The following BCL11A variants were observed in gnomAD, a reference collection of about 807,000 sequenced individuals.
The protein encoded by BCL11A is BCL11 transcription factor A.
In BCL11A, 2 loss-of-function variants were observed where a neutral mutation model predicts 55.9. The ratio of observed to expected loss-of-function variants is 0.04; its 90% CI spans 0.01 to 0.11. BCL11A has a LOEUF of 0.11. Ranked by LOEUF, BCL11A falls within the 10% of genes least tolerant of loss-of-function variation. BCL11A has a pLI of 1.00. For missense variants in BCL11A, 817 were observed against 1,137.1 expected (o/e 0.72, Z 4.05); for synonymous variants, 465 against 473.4 (o/e 0.98, Z 0.23).
chr2:60,498,349 G>A (rs953784498), intron 2 of BCL11A, among the ~76,000 whole-genome samples: 14 of 151,924 alleles, frequency 9.2e-5, no homozygotes, highest in Admixed American at 2.6e-4. Flanking sequence ...AGTGTGTGCC[G>A]ACAACTCCCT....
intron 2 of BCL11A, among the ~76,000 whole-genome samples, chr2:60,486,781 G>A (rs1447494336): frequency 6.6e-6 from 1 of 152,160 alleles, no homozygotes; most frequent in Admixed American, 6.5e-5. Flanking sequence ...CCCACAGTCT[G>A]AGAATGACCA....
intron 2 of BCL11A, among the ~76,000 whole-genome samples, chr2:60,502,042 G>A (rs1411547073): frequency 6.6e-6 from 1 of 152,162 alleles, no homozygotes; most frequent in Non-Finnish European, 1.5e-5. Flanking sequence ...CTTCAGGGAG[G>A]AAAGGCCAGA....
chr2:60,504,277 T>C (rs1042925546), intron 2 of BCL11A, among the ~76,000 whole-genome samples: 1 of 152,234 alleles, frequency 6.6e-6, no homozygotes, highest in Admixed American at 6.5e-5. Flanking sequence ...GGATCAATGA[T>C]GAAGATGCAG....
At chr2:60,502,541 C>T (rs889108838) in intron 2 of BCL11A, among the ~76,000 whole-genome samples, 1 of 152,182 alleles carries the variant, frequency 6.6e-6, no homozygotes, top group African/African-American at 2.4e-5. Context: ...AAGAAAGAGC[C>T]AGCTTCCTTC....
rs1039776353 is a variant in BCL11A, at chr2:60,478,486, T to C, written c.386-9653A>G. Among the ~76,000 whole-genome samples the C allele has an allele frequency of 4.6e-5, 7 of 152,220 alleles. No individual in the cohort carries two copies. The South Asian group carries it at 8.3e-4, about 18-fold the overall frequency. The stretch of plus-strand genomic sequence containing the variant: ...ACTATTGAGTGACTGGTGTGTGGAC[T>C]TCAGGGGAAGCGTGGAAGGCACTTC... On this transcript the variant is annotated intron_variant, in intron 2 of 3. Transcript: ENST00000642384.
chr2:60,506,251 G>T (rs1679586164), intron 2 of BCL11A, among the ~76,000 whole-genome samples: 1 of 152,234 alleles, frequency 6.6e-6, no homozygotes, highest in Non-Finnish European at 1.5e-5. Flanking sequence ...AGCAGCTAGG[G>T]CTCTGGCCTC....
At chr2:60,523,287 T>C (rs1669071730) in intron 2 of BCL11A, among the ~76,000 whole-genome samples, 1 of 152,194 alleles carries the variant, frequency 6.6e-6, no homozygotes, top group Admixed American at 6.5e-5. Flanking sequence ...CATCCAGGAT[T>C]CCTGCTTGGG....
rs561988530 is a variant in BCL11A at position 60,475,011 on chromosome 2, G to A, written c.386-6178C>T. 2.8e-4 allele frequency among the ~76,000 whole-genome samples: 43 copies of A among 152,318 alleles called. No individual in the cohort carries two copies. In the South Asian group the frequency reaches 8.1e-3, roughly 29 times the overall value. On this transcript the variant is annotated intron_variant, in intron 2 of 3. Coordinates refer to ENST00000642384, the MANE Select transcript of BCL11A (RefSeq NM_022893.4). Reference sequence around the variant, plus strand: ...AGGGAGGGAGAGAGGCTTTGGGAAAGAGGAAAACTTATGAGTTAAACCTGG... The same window carrying A: ...AGGGAGGGAGAGAGGCTTTGGGAAAAAGGAAAACTTATGAGTTAAACCTGG...
rs1045489278 is a variant in BCL11A at position 60,461,472 on chromosome 2, C to T, written c.1440G>A (p.Pro480=). The T allele has an allele frequency of 4.4e-6, 7 of 1,604,498 alleles. No homozygotes were observed. The Admixed American group carries it at 5.0e-5, about 11-fold the overall frequency. ...CCTCTTCCTCCTCGTCCCCGTTCTCCGGGATCAGGTTGGGGTCGTTCTCGC... is the reference window on the plus strand; with the variant it reads ...CCTCTTCCTCCTCGTCCCCGTTCTCTGGGATCAGGTTGGGGTCGTTCTCGC... The part of the protein sequence containing the change: ...FKSENDPNLI[P]ENGDEEEEED... Residue 480 remains proline, a synonymous_variant, in exon 4 of 4, where the codon CCG becomes CCA. Transcript: ENST00000642384.
At chr2:60,518,927 C>A (rs1229565569) in intron 2 of BCL11A, among the ~76,000 whole-genome samples, 3 of 152,168 alleles carry the variant, frequency 2.0e-5, no homozygotes, top group Admixed American at 6.5e-5. Context: ...TTCTGTCATT[C>A]AAGGTGGGTC....
chr2:60,552,026 G>A (rs1670433579), intron 1 of BCL11A, among the ~76,000 whole-genome samples: 2 of 152,206 alleles, frequency 1.3e-5, no homozygotes, highest in African/African-American at 4.8e-5. Flanking sequence ...AGAGGAGGGA[G>A]TTCCTCTCTC....
chr2:60,532,612 G>T (rs2556375), intron 2 of BCL11A, among the ~76,000 whole-genome samples: 125,141 of 152,124 alleles, frequency 0.82, 51,577 homozygotes, highest in South Asian at 0.84. Context: ...TTGGCATAAG[G>T]ATATGTTTGC....
intron 3 of BCL11A, among the ~76,000 whole-genome samples, chr2:60,467,222 A>ATGG (rs777877828): frequency 1.5e-5 from 1 of 68,084 alleles, no homozygotes; most frequent in Non-Finnish European, 3.0e-5. Flanking sequence ...GGTACTGGTG[A>ATGG]TGGTGGTGGT....
intron 2 of BCL11A, among the ~76,000 whole-genome samples, chr2:60,511,605 A>C (rs1194904480): frequency 6.6e-6 from 1 of 152,068 alleles, no homozygotes; most frequent in Non-Finnish European, 1.5e-5. Flanking sequence ...AAAACTGAAG[A>C]CTCAAAGAGC....
In BCL11A at chr2:60,461,299, TCGCCCA is replaced by T; in HGVS notation, c.1607_1612del (p.Val536_Gly537del). On this transcript the variant is annotated inframe_deletion, in exon 4 of 4. Transcript: ENST00000642384. Reference sequence around the variant, plus strand: ...GACGTCGGGCAGGGCGCGGCTCTCGTCGCCCACGCCCACGACCGCGCCCCGCGAGCT... The same window carrying T: ...GACGTCGGGCAGGGCGCGGCTCTCGTCGCCCACGACCGCGCCCCGCGAGCT... 6.3e-7 allele frequency: 1 copy of T among 1,590,500 alleles called. No homozygotes were observed.
chr2:60,471,299 GA>G (rs1358647563), intron 2 of BCL11A, among the ~76,000 whole-genome samples: 3 of 152,132 alleles, frequency 2.0e-5, no homozygotes, highest in Non-Finnish European at 4.4e-5. Flanking sequence ...ATTTACTTTA[GA>G]AAAAAAGCAC....
At chr2:60,452,792 C>T (rs1475367816), downstream of BCL11A, 6 of 696,376 alleles carry the variant, frequency 8.6e-6, 1 homozygote, top group South Asian at 3.6e-5. Flanking sequence ...GGTCGAGCCA[C>T]TGGCATCTTA....
intron 3 of BCL11A, among the ~76,000 whole-genome samples, chr2:60,467,168 ATG>A (rs1558618378): frequency 8.0e-3 from 293 of 36,732 alleles, no homozygotes; most frequent in East Asian, 0.017. Context: ...GGTGGTGGTG[ATG>A]GTGGTGGTGG....
At chr2:60,507,365 AAGGGAAGGGAAGGGAGGG>A (rs1679702311) in intron 2 of BCL11A, among the ~76,000 whole-genome samples, 1 of 26,086 alleles carries the variant, frequency 3.8e-5, no homozygotes, top group Non-Finnish European at 6.4e-5. Context: ...AAGGGAAGGG[AAGGGAAGGGAAGGGAGGG>A]AGGGAAGGAG....
Sources: allele counts gnomAD v4.1 joint callset (sites outside exome capture counted in the v4.1 genomes callset), GRCh38; gene constraint gnomAD v4.1.1; transcripts MANE v1.5; gene names NCBI Gene and HGNC (gene_info 2026-07-23, HGNC 2026-07-21).